C5orf63: variants seen among roughly 807,000 people sequenced by gnomAD.
The protein encoded by C5orf63 is chromosome 5 open reading frame 63.
Under a neutral mutation model 13.3 loss-of-function variants are expected in C5orf63, and 18 were observed. The observed-to-expected ratio is 1.36, with a 90% confidence interval of 0.94 to 2.01. C5orf63 has a LOEUF of 2.01. Ranked by LOEUF, C5orf63 falls within the 30% of genes most tolerant of loss-of-function variation. The pLI is 0.00. For synonymous variants in C5orf63, 38 were observed against 44.7 expected, an observed-to-expected ratio of 0.85 and a Z score of 0.60; for missense variants, 118 against 127.7, an observed-to-expected ratio of 0.92 and a Z score of 0.36.
intron 3 of C5orf63, among the ~76,000 whole-genome samples, chr5:127,056,160 G>A (rs1490004493): frequency 6.6e-6 from 1 of 152,168 alleles, no homozygotes; most frequent in Non-Finnish European, 1.5e-5. Context: ...AAACAAAGGT[G>A]AGAAACCTGA....
Position 127,058,946 on chromosome 5 carries a change from C to T in C5orf63, c.50G>A (p.Gly17Glu), listed in dbSNP as rs957754505. 5 of 1,537,230 alleles carry T rather than the reference C, an allele frequency of 3.3e-6. No homozygotes were observed. In the East Asian group the frequency reaches 9.8e-5, roughly 30 times the overall value. ...GGCAGAGCAATTTCTCAAGAAGAGT[C>T]CAAAGGAGGATCTGGCAAGTTGCAT... ...NSMQLARSSF[G>E]LFLRNCSASK... The change falls in exon 3 of 5, where the codon GGA becomes GAA. Residue 17 changes from glycine to glutamate, a missense_variant. Coordinates refer to ENST00000296662, the MANE Select transcript of C5orf63 (RefSeq NM_001164478.2).
intron 2 of C5orf63, among the ~76,000 whole-genome samples, chr5:127,063,756 T>G (rs1284069674): frequency 6.6e-6 from 1 of 152,208 alleles, no homozygotes; most frequent in Admixed American, 6.5e-5. Flanking sequence ...TCACTGAACC[T>G]ATATTCCCTA....
chr5:127,048,257 ACAC>A (rs1466990643), downstream of C5orf63, among the ~76,000 whole-genome samples: 2 of 146,316 alleles, frequency 1.4e-5, no homozygotes, highest in African/African-American at 2.7e-5. Flanking sequence ...ACACACACAC[ACAC>A]ACACACACAC....
At chr5:127,055,426 T>C (rs1429664257) in intron 3 of C5orf63, among the ~76,000 whole-genome samples, 1 of 152,204 alleles carries the variant, frequency 6.6e-6, no homozygotes, top group African/African-American at 2.4e-5. Flanking sequence ...TTCTCTTGGA[T>C]GAGCTCAAAA....
chr5:127,072,398 T>C (rs1197182830), intron 1 of C5orf63, among the ~76,000 whole-genome samples: 4 of 152,222 alleles, frequency 2.6e-5, no homozygotes, highest in Non-Finnish European at 4.4e-5. Flanking sequence ...GAGCTTCACA[T>C]GCATTTTTAT....
At position 127,051,747 on chromosome 5, in the gene C5orf63, G is replaced by C. The variant is rs200863175; in HGVS notation, c.*24C>G. On this transcript the variant is annotated 3_prime_UTR_variant, in exon 5 of 5. Coordinates refer to ENST00000296662, the MANE Select transcript of C5orf63 (RefSeq NM_001164478.2). Reference sequence around the variant, plus strand: ...AGGAAGATGCTTTATGGGAAGAGAGGGTGGAAAATCATGAGGGCATCAGTC... The same window carrying C: ...AGGAAGATGCTTTATGGGAAGAGAGCGTGGAAAATCATGAGGGCATCAGTC... 260 of 1,468,680 alleles carry C rather than the reference G, an allele frequency of 1.8e-4. No individual in the cohort carries two copies. The highest frequency in any genetic ancestry group is 2.1e-4 in the Non-Finnish European group (239 of 1,114,804). 91.0% of individuals were successfully genotyped at this position (1,468,680 alleles called of 1,614,324 possible).
downstream of C5orf63, chr5:127,047,636 C>T (rs189696654): frequency 1.0e-3 from 682 of 684,894 alleles, 4 homozygotes; most frequent in Middle Eastern, 5.7e-4. Context: ...CTTTCTGTCT[C>T]CCTCTATTCC....
chr5:127,053,481 C>T (rs183814178), intron 3 of C5orf63, among the ~76,000 whole-genome samples: 99 of 151,930 alleles, frequency 6.5e-4, no homozygotes, highest in African/African-American at 1.6e-3. Context: ...ATGTGCACAA[C>T]GTGCCGTTTT....
At chr5:127,050,196 G>A (rs1753626119), downstream of C5orf63, among the ~76,000 whole-genome samples, 1 of 152,120 alleles carries the variant, frequency 6.6e-6, no homozygotes, top group Admixed American at 6.6e-5. Context: ...CACACTCAAA[G>A]GGACAGGGAA....
chr5:127,046,305 T>C (rs1477485132), downstream of C5orf63: 1 of 152,242 alleles, frequency 6.6e-6, no homozygotes, highest in Admixed American at 6.5e-5. Flanking sequence ...CTGGGAGTTA[T>C]CCCAGAATCC....
chr5:127,053,597 C>T (rs770008002), intron 3 of C5orf63, among the ~76,000 whole-genome samples: 5 of 152,152 alleles, frequency 3.3e-5, no homozygotes, highest in African/African-American at 4.8e-5. Context: ...CCGCACCCCA[C>T]GACAGGCCCC....
chr5:127,047,744 C>T (rs760298235), downstream of C5orf63: 3 of 703,950 alleles, frequency 4.3e-6, no homozygotes, highest in South Asian at 4.4e-5. Flanking sequence ...GCCCCACAGT[C>T]ACTTGAAATT....
chr5:127,052,695 G>A (rs1000377016), intron 3 of C5orf63, 26 bp from the exon 4 acceptor site: 6 of 1,461,226 alleles, frequency 4.1e-6, no homozygotes, highest in South Asian at 2.8e-5. Flanking sequence ...AAACCCAAGC[G>A]ATTAAACCCA....
In C5orf63 at chr5:127,051,440, C is replaced by T. The variant is rs1375712698; in HGVS notation, c.*331G>A. 2 of 1,232,866 alleles carry T rather than the reference C, an allele frequency of 1.6e-6. No homozygotes were observed. The highest frequency in any genetic ancestry group is 3.1e-5 in the African/African-American group (2 of 64,412). The allele number at this position is 1,232,866 out of a possible 1,614,324, so 76.4% of individuals were successfully genotyped here. A position where few individuals can be genotyped will look rare whatever the true frequency, so the allele number is the denominator to read the frequency against. On this transcript the variant is annotated 3_prime_UTR_variant, in exon 5 of 5. Transcript: ENST00000296662. The stretch of plus-strand genomic sequence containing the variant: ...CGGGGCAGCAGCAGGAATGCAGAAC[C>T]TTCTTCCTATAAATGGCATTGCCCA...
At chr5:127,044,120 G>A (rs1173908251), downstream of C5orf63, 2 of 152,104 alleles carry the variant, frequency 1.3e-5, no homozygotes, top group African/African-American at 4.8e-5. Flanking sequence ...ACTTTTTGGT[G>A]TTCTCAAATC....
At chr5:127,050,551 C>T (rs1365894256), downstream of C5orf63, among the ~76,000 whole-genome samples, 2 of 152,012 alleles carry the variant, frequency 1.3e-5, no homozygotes, top group Non-Finnish European at 2.9e-5. Context: ...TAACAGGAGC[C>T]CCCTGCAATG....
At chr5:127,052,079 G>T in intron 4 of C5orf63, 132 bp from the exon 5 acceptor site, 1 of 668,468 alleles carries the variant, frequency 1.5e-6, no homozygotes, top group Non-Finnish European at 2.3e-6. Context: ...TAGGTCCACA[G>T]TGATCTAATG....
At chr5:127,067,808 G>A (rs1471639264) in intron 2 of C5orf63, among the ~76,000 whole-genome samples, 1 of 152,122 alleles carries the variant, frequency 6.6e-6, no homozygotes, top group African/African-American at 2.4e-5. Flanking sequence ...TTGTAAAGGT[G>A]GATTTTATTG....
intron 2 of C5orf63, among the ~76,000 whole-genome samples, chr5:127,060,437 T>C (rs1440312736): frequency 2.0e-5 from 3 of 152,242 alleles, no homozygotes; most frequent in East Asian, 1.9e-4. Flanking sequence ...GCTACAGTCA[T>C]TCTGTTTAAT....
Sources: allele counts gnomAD v4.1 joint callset (sites outside exome capture counted in the v4.1 genomes callset), GRCh38; gene constraint gnomAD v4.1.1; transcripts MANE v1.5; gene names NCBI Gene and HGNC (gene_info 2026-07-23, HGNC 2026-07-21).